MTA3: variants seen among roughly 807,000 people sequenced by gnomAD.
The protein encoded by MTA3 is metastasis associated 1 family member 3, also known as metastasis-associated protein MTA3.
MTA3 carries 34 observed loss-of-function variants against 83.5 expected under a neutral mutation model. That is an observed-to-expected ratio of 0.41 (90% CI 0.31 to 0.54). The LOEUF is 0.54. MTA3 is among the 20% of genes least tolerant of loss of function. MTA3 has a pLI of 0.33. For synonymous variants in MTA3, 303 were observed against 252.7 expected (o/e 1.20, Z -1.89); for missense variants, 761 against 726.4 (o/e 1.05, Z -0.55).
intron 14 of MTA3, among the ~76,000 whole-genome samples, chr2:42,713,170 G>C (rs1666762072): frequency 6.6e-6 from 1 of 152,170 alleles, no homozygotes; most frequent in Non-Finnish European, 1.5e-5. Flanking sequence ...GAGTGAAGTG[G>C]TTTGGGCTGA....
At chr2:42,734,893 GTTTATA>G (rs1297788667) in intron 16 of MTA3, among the ~76,000 whole-genome samples, 1 of 152,026 alleles carries the variant, frequency 6.6e-6, no homozygotes, top group Non-Finnish European at 1.5e-5. Flanking sequence ...ACTTTTTGTT[GTTTATA>G]TTTATATCTT....
At chr2:42,594,638 T>TTA (rs1416633388) in intron 3 of MTA3, among the ~76,000 whole-genome samples, 34 of 77,900 alleles carry the variant, frequency 4.4e-4, no homozygotes, top group East Asian at 1.1e-3. Context: ...GAACATCTTT[T>TTA]TATATATATA....
intron 6 of MTA3, 35 bp downstream of exon 6, chr2:42,644,279 C>A (rs777867615): frequency 7.0e-6 from 10 of 1,419,218 alleles, no homozygotes; most frequent in Non-Finnish European, 9.9e-6. Context: ...TTTTGTGAAA[C>A]AAATATATCT....
intron 2 of MTA3, among the ~76,000 whole-genome samples, chr2:42,527,683 T>C (rs1008425460): frequency 9.9e-5 from 15 of 152,036 alleles, no homozygotes; most frequent in Non-Finnish European, 1.9e-4. Context: ...TAGGTGCTGA[T>C]GAATGGCATC....
chr2:42,695,441 C>T (rs900256770), intron 9 of MTA3, among the ~76,000 whole-genome samples: 1 of 151,654 alleles, frequency 6.6e-6, no homozygotes, highest in Non-Finnish European at 1.5e-5. Flanking sequence ...TCGAGACCAG[C>T]CTAACCAACA....
chr2:42,750,627 C>G (rs1669800362), intron 16 of MTA3, among the ~76,000 whole-genome samples: 1 of 152,104 alleles, frequency 6.6e-6, no homozygotes, highest in African/African-American at 2.4e-5. Context: ...TATCTGTTCC[C>G]CAGAGGATAA....
At chr2:42,575,465 C>G (rs867145443) in intron 2 of MTA3, among the ~76,000 whole-genome samples, 3 of 152,088 alleles carry the variant, frequency 2.0e-5, no homozygotes, top group South Asian at 4.1e-4. Context: ...CATAGCTTTA[C>G]TATTTACAAA....
chr2:42,511,561 A>T (rs975991925), intron 2 of MTA3: 1 of 152,166 alleles, frequency 6.6e-6, no homozygotes, highest in Non-Finnish European at 1.5e-5. Context: ...TACTAAAAAT[A>T]CAAAATTAGC....
chr2:42,659,714 A>T (rs1225526847), intron 7 of MTA3, 49 bp from the exon 8 acceptor site: 1 of 1,377,170 alleles, frequency 7.3e-7, no homozygotes, highest in Non-Finnish European at 9.6e-7. Context: ...AAAAAAACAA[A>T]CCAAAACAGA....
At position 42,704,296 on chromosome 2, in the gene MTA3, G is replaced by A; in HGVS notation, c.1128G>A (p.Gly376=). 1.2e-6 allele frequency: 2 copies of A among 1,613,890 alleles called. No individual in the cohort carries two copies. Among genetic ancestry groups the A allele is most frequent in the African/African-American group, 1.3e-5 (1 of 75,026 alleles). Residue 376 remains glycine (G), a synonymous_variant, in exon 12 of 17, where the codon GGG becomes GGA. Coordinates refer to ENST00000405094, the MANE Select transcript of MTA3 (RefSeq NM_001330442.2). ...TCCAGCCTCAGAATCCTCTCTTAGG[G>A]AGAGCCTGTGAGAGCTGCTATGGTA... ...TTFQPQNPLL[G]RACESCYATQ...
At position 42,656,395 on chromosome 2, in the gene MTA3, T is replaced by A. The variant is rs560436175; in HGVS notation, c.602+93T>A. 690 of 674,726 alleles carry A rather than the reference T, an allele frequency of 1.0e-3. 1 individual carries two copies. The highest frequency in any genetic ancestry group is 1.2e-3 in the Non-Finnish European group (529 of 429,420). The allele number at this position is 674,726 out of a possible 1,614,324, so 41.8% of individuals were successfully genotyped here. ...ATTTTTATTTCTTTGTATTCTGCTT[T>A]TCTCCCACTGATTGTATTATTTTTT... On this transcript the variant is annotated intron_variant, in intron 7 of 16. Transcript: ENST00000405094.
chr2:42,577,135 A>ATATATATATAT (rs1558451263), intron 2 of MTA3, among the ~76,000 whole-genome samples: 2 of 93,990 alleles, frequency 2.1e-5, no homozygotes, highest in African/African-American at 9.5e-5. Flanking sequence ...TATATATATA[A>ATATATATATAT]AAATGAACTC....
At chr2:42,548,903 G>C in intron 2 of MTA3, among the ~76,000 whole-genome samples, 1 of 86,548 alleles carries the variant, frequency 1.2e-5, no homozygotes, top group African/African-American at 4.8e-5. Flanking sequence ...CAGCGGGCAC[G>C]GTGGCTCACG....
intron 4 of MTA3, among the ~76,000 whole-genome samples, chr2:42,615,425 G>A (rs1037924695): frequency 6.6e-6 from 1 of 151,668 alleles, no homozygotes; most frequent in Non-Finnish European, 1.5e-5. Context: ...CTGCGATCTC[G>A]ATTCACTGCA....
chr2:42,730,645 T>C (rs2104561127), intron 16 of MTA3, among the ~76,000 whole-genome samples: 1 of 152,054 alleles, frequency 6.6e-6, no homozygotes, highest in Admixed American at 6.5e-5. Flanking sequence ...TCAGTGTTCA[T>C]CAGGACATTG....
At chr2:42,618,130 T>C (rs1358468829) in intron 4 of MTA3, among the ~76,000 whole-genome samples, 3 of 152,056 alleles carry the variant, frequency 2.0e-5, no homozygotes, top group Non-Finnish European at 4.4e-5. Context: ...AAAGTTTTGT[T>C]GGAGAGAAGG....
At chr2:42,731,889 G>A (rs1375831863) in intron 16 of MTA3, among the ~76,000 whole-genome samples, 2 of 152,140 alleles carry the variant, frequency 1.3e-5, no homozygotes, top group Non-Finnish European at 2.9e-5. Context: ...ACAGGTATTG[G>A]GTAAATACAG....
intron 2 of MTA3, among the ~76,000 whole-genome samples, chr2:42,532,161 C>G (rs1015682773): frequency 1.3e-5 from 2 of 152,210 alleles, no homozygotes; most frequent in African/African-American, 4.8e-5. Context: ...TATTTTATTT[C>G]TTCCATGATG....
rs1240128726 is a variant in MTA3 at position 42,579,130 on chromosome 2, A to C, written c.120A>C (p.Ala40=). ...LNKTASGNVE[A]KVVCFYRRRD... is the part of the protein sequence containing the mutation. ...AGACTGCAAGTGGCAACGTGGAAGC[A>C]AAAGTAGTATGCTTTTATAGACGAC... Residue 40 remains alanine, a synonymous_variant, in exon 3 of 17, where the codon GCA becomes GCC. Transcript: ENST00000405094. 1 of 1,608,130 alleles carries C rather than the reference A, an allele frequency of 6.2e-7. No homozygotes were observed. The highest frequency in any genetic ancestry group is 1.3e-5 in the African/African-American group (1 of 74,826).
Sources: gnomAD v4.1 joint callset for allele counts (sites outside exome capture counted in the v4.1 genomes callset) on GRCh38, gnomAD v4.1.1 for gene constraint, MANE v1.5 for transcripts, NCBI Gene and HGNC (gene_info 2026-07-23, HGNC 2026-07-21) for gene names.